Variants in PKLR observed in about 807,000 individuals in gnomAD.
PKLR encodes pyruvate kinase PKLR.
PKLR carries 38 observed loss-of-function variants against 53.6 expected under a neutral mutation model. The observed-to-expected ratio is 0.71, with a 90% CI of 0.55 to 0.93. PKLR has a LOEUF of 0.93. Among genes scored for constraint, PKLR ranks in the 40% least tolerant of loss-of-function variants. The pLI is 0.00. For synonymous variants in PKLR, 328 were observed against 316.2 expected, an observed-to-expected ratio of 1.04 and a Z score of -0.39; for missense variants, 702 against 787.3, an observed-to-expected ratio of 0.89 and a Z score of 1.30.
intron 7 of PKLR, 72 bp downstream of exon 7, chr1:155,294,163 A>G: frequency 6.7e-7 from 1 of 1,482,750 alleles, no homozygotes; most frequent in Non-Finnish European, 9.4e-7. Context: ...ATAAACCCCT[A>G]CAGTGTGGGT....
In PKLR at chr1:155,293,089, G is replaced by T; in HGVS notation, c.1436+88C>A. The stretch of plus-strand genomic sequence containing the variant: ...TCTCAGGTGGACACTCTTCACCCCT[G>T]GTGACCAGACTAAACCCAAGCCTGG... On this transcript the variant is annotated intron_variant, in intron 9 of 10. Transcript: ENST00000342741. This position sits in a 1 kb window ranked among gnomAD's most constrained non-coding sequence, Gnocchi z 4.2. 1.5e-6 allele frequency: 2 copies of T among 1,372,876 alleles called. No homozygotes were observed. Among genetic ancestry groups the T allele is most frequent in the Non-Finnish European group, 2.1e-6 (2 of 960,538 alleles). 85.0% of individuals were successfully genotyped at this position (1,372,876 alleles called of 1,614,324 possible).
At chr1:155,292,241 G>GAAAAA (rs57484820) in intron 9 of PKLR, among the ~76,000 whole-genome samples, 12 of 138,094 alleles carry the variant, frequency 8.7e-5, no homozygotes, top group East Asian at 2.2e-4. Context: ...TCTGCATTAA[G>GAAAAA]AAAAAAAAAA....
chr1:155,303,467 G>T (rs1648142552), upstream of PKLR, among the ~76,000 whole-genome samples: 1 of 152,186 alleles, frequency 6.6e-6, no homozygotes, highest in Admixed American at 6.5e-5. Flanking sequence ...CAGGGCCTTT[G>T]CCCTCTGTGA....
At position 155,300,210 on chromosome 1, in the gene PKLR, C is replaced by T. The variant is rs200581879; in HGVS notation, c.171G>A (p.Gln57=). Residue 57 remains glutamine (Q), a synonymous_variant, in exon 2 of 11, where the codon CAG becomes CAA. Transcript: ENST00000342741. ...CCATAGCAGCTGGCAGCTGCTGCTG[C>T]TGGAAGAAGGCAGTGCCCAGCTCCT... ...LTQELGTAFF[Q]QQQLPAAMAD... is the part of the protein sequence containing the mutation. The T allele has an allele frequency of 4.2e-5, 68 of 1,613,626 alleles. 1 individual carries two copies. In the East Asian group the frequency reaches 1.4e-3, roughly 33 times the overall value.
chr1:155,298,892 C>G (rs907903880), intron 2 of PKLR, among the ~76,000 whole-genome samples: 1 of 152,232 alleles, frequency 6.6e-6, no homozygotes, highest in Non-Finnish European at 1.5e-5. Context: ...ATCCACCTGC[C>G]TCAGCCTCCC....
intron 9 of PKLR, among the ~76,000 whole-genome samples, chr1:155,292,320 A>G (rs991625637): frequency 6.6e-6 from 1 of 152,120 alleles, no homozygotes; most frequent in African/African-American, 2.4e-5. Flanking sequence ...AAATGAGATA[A>G]TAAGGAGAAA....
intron 5 of PKLR, 54 bp from the exon 6 acceptor site, chr1:155,294,806 G>A: frequency 6.2e-7 from 1 of 1,603,418 alleles, no homozygotes; most frequent in Non-Finnish European, 8.5e-7. Flanking sequence ...GGGCACAGTT[G>A]CAGCAGAGAG....
At chr1:155,306,272 A>C (rs1404910495), upstream of PKLR, among the ~76,000 whole-genome samples, 2 of 152,204 alleles carry the variant, frequency 1.3e-5, no homozygotes, top group Non-Finnish European at 2.9e-5. This position sits in a 1 kb window ranked among gnomAD's most constrained non-coding sequence, Gnocchi z 4.2. Context: ...CCCTCCTGCC[A>C]CAAACACACA....
the PKLR span, among the ~76,000 whole-genome samples, chr1:155,307,088 AT>A: frequency 6.6e-6 from 1 of 151,808 alleles, no homozygotes; most frequent in Admixed American, 6.6e-5. Flanking sequence ...CTAATTTTGG[AT>A]TTTTTAGTAG....
intron 1 of PKLR, chr1:155,300,819 A>G: frequency 6.3e-7 from 1 of 1,583,746 alleles, no homozygotes; most frequent in Non-Finnish European, 8.6e-7. Context: ...GCTGCTACAG[A>G]CACAGAGGTC....
At position 155,293,593 on chromosome 1, in the gene PKLR, G is replaced by A. The variant is rs8177981; in HGVS notation, c.1117-3C>T. The A allele has an allele frequency of 4.1e-5, 66 of 1,613,952 alleles. No individual in the cohort carries two copies. The African/African-American group carries it at 8.5e-4, about 21-fold the overall frequency. Reference sequence around the variant, plus strand: ...TTGGTAATCATGCTCTCCAGCATCTGGGGGACAGCGTGGATGTCAAAGTTG... The same window carrying A: ...TTGGTAATCATGCTCTCCAGCATCTAGGGGACAGCGTGGATGTCAAAGTTG... On this transcript the variant is annotated splice_polypyrimidine_tract_variant and splice_region_variant and intron_variant, in intron 7 of 10. Transcript: ENST00000342741. The surrounding 1 kb of genome is among the most constrained non-coding windows in gnomAD (Gnocchi z 4.2).
At chr1:155,301,562 T>C, upstream of PKLR, 1 of 732,510 alleles carries the variant, frequency 1.4e-6, no homozygotes, top group South Asian at 1.7e-5. Context: ...TCTGCCCTCA[T>C]CTCCTGGCAT....
chr1:155,300,831 C>A (rs753471892), intron 1 of PKLR: 9 of 1,603,490 alleles, frequency 5.6e-6, no homozygotes, highest in Admixed American at 3.4e-5. Context: ...ACAGAGGTCC[C>A]TGTAGCTTGA....
At chr1:155,304,644 A>G (rs1648183378), upstream of PKLR, among the ~76,000 whole-genome samples, 1 of 152,128 alleles carries the variant, frequency 6.6e-6, no homozygotes, top group African/African-American at 2.4e-5. Context: ...AGTGTCGAGG[A>G]GTCTGGCTTG....
Position 155,295,649 on chromosome 1 carries a change from GCGGCC to G in PKLR, c.375+11_375+15del. On this transcript the variant is annotated intron_variant, in intron 3 of 10. Transcript: ENST00000342741. The surrounding 1 kb of genome is among the most constrained non-coding windows in gnomAD (Gnocchi z 4.3). ...ATCCTCCTGCCCCACCCACTGCCCG[GCGGCC>G]CGTCCCGCACCTCGTGGGAGCCGTG... 2.5e-6 allele frequency: 4 copies of G among 1,614,044 alleles called. No homozygotes were observed. The South Asian group carries it at 3.3e-5, about 13-fold the overall frequency.
the PKLR span, chr1:155,308,636 G>T: frequency 1.0e-6 from 1 of 985,390 alleles, no homozygotes; most frequent in East Asian, 1.1e-4. Context: ...TCCCAGCCTG[G>T]CTCGCTTCCG....
intron 2 of PKLR, among the ~76,000 whole-genome samples, chr1:155,299,161 C>T (rs190692494): frequency 2.4e-5 from 3 of 127,158 alleles, no homozygotes; most frequent in Non-Finnish European, 3.2e-5. Flanking sequence ...TTCCTTCTTT[C>T]TCTCTCTCTT....
Position 155,290,489 on chromosome 1 carries a change from G to T in PKLR, c.*83C>A. ...GAGAGGACTTAAAGGTGGGGCTTTG[G>T]AGGGGTGTGGGCTGGAGAACGTAGA... On this transcript the variant is annotated 3_prime_UTR_variant, in exon 11 of 11. Coordinates refer to ENST00000342741, the MANE Select transcript of PKLR (RefSeq NM_000298.6). 1.2e-6 allele frequency: 1 copy of T among 814,886 alleles called. No individual in the cohort carries two copies. The highest frequency in any genetic ancestry group is 2.1e-6 in the Non-Finnish European group (1 of 470,036). 50.5% of individuals were successfully genotyped at this position (814,886 alleles called of 1,614,324 possible).
chr1:155,296,911 T>C (rs1242541284), intron 2 of PKLR, among the ~76,000 whole-genome samples: 1 of 152,092 alleles, frequency 6.6e-6, no homozygotes, highest in Non-Finnish European at 1.5e-5. Flanking sequence ...AGAACCTCTG[T>C]GTTTTTGCTC....
Sources: gnomAD v4.1 joint callset for allele counts (sites outside exome capture counted in the v4.1 genomes callset) on GRCh38, gnomAD v4.1.1 for gene constraint, Gnocchi (gnomAD v3.1) non-coding constraint, MANE v1.5 for transcripts, NCBI Gene and HGNC (gene_info 2026-07-23, HGNC 2026-07-21) for gene names.